The following LMOD3 variants were observed in gnomAD, a reference collection of about 807,000 sequenced individuals.
LMOD3 encodes leiomodin 3, also known as leiomodin-3.
LMOD3 carries 31 observed loss-of-function variants against 41.8 expected under a neutral mutation model. The observed-to-expected ratio is 0.74, with a 90% CI of 0.56 to 1.00. The LOEUF (loss-of-function observed/expected upper bound fraction) is 1.00. Among genes scored for constraint, LMOD3 ranks in the 50% least tolerant of loss-of-function variants. The pLI, the probability that LMOD3 is intolerant of heterozygous loss-of-function variation, is 0.00. For synonymous variants in LMOD3, 292 were observed against 241.9 expected (o/e 1.21, Z -1.92); for missense variants, 755 against 679.5 (o/e 1.11, Z -1.23).
chr3:69,118,915 T>C lies in LMOD3; in HGVS notation c.1440A>G (p.Thr480=). The C allele has an allele frequency of 1.2e-6, 2 of 1,612,254 alleles. No individual in the cohort carries two copies. Among genetic ancestry groups the C allele is most frequent in the East Asian group, 2.2e-5 (1 of 44,810 alleles). Reference sequence around the variant, plus strand: ...TCACCACCCGGAAGGAGTCAGGGTCTGTCCTGTACTTCGGGGCCTGCGATG... The same window carrying C: ...TCACCACCCGGAAGGAGTCAGGGTCCGTCCTGTACTTCGGGGCCTGCGATG... The part of the protein sequence containing the change: ...KKPSQAPKYR[T]DPDSFRVVKL... The change falls in exon 2 of 3, where the codon ACA becomes ACG. Residue 480 remains threonine (T), a synonymous_variant. Transcript: ENST00000420581.
intron 2 of LMOD3, among the ~76,000 whole-genome samples, chr3:69,113,495 T>C (rs1415874125): frequency 6.6e-6 from 1 of 152,192 alleles, no homozygotes; most frequent in African/African-American, 2.4e-5. Context: ...GCTGAAGGGT[T>C]TGTAAACTTC....
In LMOD3 at chr3:69,107,494, T is replaced by TTTTTTTTTTG. The variant is rs1252768762; in HGVS notation, c.*1600_*1601insCAAAAAAAAA. 13 of 125,182 alleles carry TTTTTTTTTTG rather than the reference T, an allele frequency of 1.0e-4. No homozygotes were observed. The highest frequency in any genetic ancestry group is 1.9e-4 in the Non-Finnish European group (12 of 62,696). The allele number at this position is 125,182 out of a possible 1,614,324, so 7.8% of individuals were successfully genotyped here. On this transcript the variant is annotated 3_prime_UTR_variant, in exon 3 of 3. Transcript: ENST00000420581. ...TTTTTTTTTTTTTTTTTTTTTTTTTTGAGATGGAGTATCACTCTGTCACCC... is the reference window on the plus strand; with the variant it reads ...TTTTTTTTTTTTTTTTTTTTTTTTTTTTTTTTTTTGGAGATGGAGTATCACTCTGTCACCC...
chr3:69,114,840 G>C (rs947237013), intron 2 of LMOD3, among the ~76,000 whole-genome samples: 6 of 151,952 alleles, frequency 3.9e-5, no homozygotes, highest in African/African-American at 9.7e-5. Context: ...AAATACAAAA[G>C]TAATATTTCC....
Position 69,106,123 on chromosome 3 carries a change from G to T in LMOD3, c.*2972C>A, listed in dbSNP as rs570009450. ...GTCTTAAATACCTGAGAAACTTGGC[G>T]ACGACCCTATAAACAGTGAAGCAAA... On this transcript the variant is annotated 3_prime_UTR_variant, in exon 3 of 3. Coordinates refer to ENST00000420581, the MANE Select transcript of LMOD3 (RefSeq NM_198271.5). The T allele has an allele frequency of 3.3e-5, 5 of 152,284 alleles. No individual in the cohort carries two copies. The highest frequency in any genetic ancestry group is 4.1e-4 in the South Asian group (2 of 4,822). The allele number at this position is 152,284 out of a possible 1,614,324, so 9.4% of individuals were successfully genotyped here. A position where few individuals can be genotyped will look rare whatever the true frequency, so the allele number is the denominator to read the frequency against.
intron 1 of LMOD3, 133 bp downstream of exon 1, chr3:69,121,960 T>A (rs1231138818): frequency 4.6e-6 from 3 of 649,650 alleles, no homozygotes; most frequent in Admixed American, 3.0e-5. Flanking sequence ...TTAAATATTA[T>A]GGTTTAATCT....
chr3:69,118,936 C>T lies in LMOD3; in HGVS notation c.1419G>A (p.Ser473=), dbSNP rs373942606. 13 of 1,612,234 alleles carry T rather than the reference C, an allele frequency of 8.1e-6. No homozygotes were observed. The African/African-American group carries it at 9.4e-5, about 12-fold the overall frequency. The part of the protein sequence containing the change: ...SQRSEMMKKP[S]QAPKYRTDPD... ...GGTCTGTCCTGTACTTCGGGGCCTGCGATGGCTTTTTCATCATTTCACTGC... is the reference window on the plus strand; with the variant it reads ...GGTCTGTCCTGTACTTCGGGGCCTGTGATGGCTTTTTCATCATTTCACTGC... Residue 473 remains serine, a synonymous_variant, in exon 2 of 3, where the codon TCG becomes TCA. Coordinates refer to ENST00000420581, the MANE Select transcript of LMOD3 (RefSeq NM_198271.5).
At position 69,119,594 on chromosome 3, in the gene LMOD3, T is replaced by G; in HGVS notation, c.761A>C (p.Asp254Ala). The G allele has an allele frequency of 6.2e-7, 1 of 1,613,814 alleles. No individual in the cohort carries two copies. The highest frequency in any genetic ancestry group is 8.5e-7 in the Non-Finnish European group (1 of 1,179,890). ...SLRRVRKNDP[D>A]MKELNLNNIE... ...GTTGTTCAGGTTGAGTTCCTTCATG[T>G]CAGGATCATTTTTCCTAACTCTCCT... Residue 254 changes from aspartate to alanine, a missense_variant, in exon 2 of 3, where the codon GAC becomes GCC. Coordinates refer to ENST00000420581, the MANE Select transcript of LMOD3 (RefSeq NM_198271.5).
chr3:69,109,429 G>A (rs2092337870), intron 2 of LMOD3, among the ~76,000 whole-genome samples: 1 of 151,812 alleles, frequency 6.6e-6, no homozygotes, highest in Admixed American at 6.6e-5. Flanking sequence ...GTAGTTATGT[G>A]GTGTTGGGCA....
chr3:69,108,289 A>G lies in LMOD3; in HGVS notation c.*806T>C, dbSNP rs2092331914. The G allele has an allele frequency of 6.6e-6, 1 of 152,130 alleles. No homozygotes were observed. The highest frequency in any genetic ancestry group is 2.1e-4 in the South Asian group (1 of 4,820). 9.4% of individuals were successfully genotyped at this position (152,130 alleles called of 1,614,324 possible). The stretch of plus-strand genomic sequence containing the variant: ...CAAAACCAAAAGCTTGTCAATAACT[A>G]TATTATGTAAAACTTCTTTTCTATA... On this transcript the variant is annotated 3_prime_UTR_variant, in exon 3 of 3. Transcript: ENST00000420581.
chr3:69,106,312 A>C lies in LMOD3; in HGVS notation c.*2783T>G, dbSNP rs1288614767. Among the ~76,000 whole-genome samples the C allele has an allele frequency of 6.6e-6, 1 of 152,154 alleles. No homozygotes were observed. Among genetic ancestry groups the C allele is most frequent in the African/African-American group, 2.4e-5 (1 of 41,434 alleles). On this transcript the variant is annotated 3_prime_UTR_variant, in exon 3 of 3. Coordinates refer to ENST00000420581, the MANE Select transcript of LMOD3 (RefSeq NM_198271.5). ...ATGTTAGCCCATTCCATTTTCTACA[A>C]GGTGAATTCTGCCGATAAAATCCAA...
chr3:69,117,673 A>G (rs114596972), intron 2 of LMOD3, among the ~76,000 whole-genome samples: 142 of 152,308 alleles, frequency 9.3e-4, no homozygotes, highest in African/African-American at 3.3e-3. Flanking sequence ...AACTCCGTGA[A>G]TTCATGGTGA....
At chr3:69,109,263 TA>T in intron 2 of LMOD3, 142 bp from the exon 3 acceptor site, 1 of 712,666 alleles carries the variant, frequency 1.4e-6, no homozygotes, top group Non-Finnish European at 2.4e-6. Context: ...AAAATCAAGA[TA>T]AAACAACAAT....
At chr3:69,113,998 TA>T (rs1055999242) in intron 2 of LMOD3, among the ~76,000 whole-genome samples, 2 of 152,162 alleles carry the variant, frequency 1.3e-5, no homozygotes, top group African/African-American at 4.8e-5. Context: ...CAAAGATTTT[TA>T]AAAACATAGC....
At position 69,122,203 on chromosome 3, in the gene LMOD3, G is replaced by C. The variant is rs745971448; in HGVS notation, c.184C>G (p.Pro62Ala). 6.2e-7 allele frequency: 1 copy of C among 1,613,504 alleles called. No individual in the cohort carries two copies. The highest frequency in any genetic ancestry group is 1.3e-5 in the African/African-American group (1 of 75,006). The change falls in exon 1 of 3, where the codon CCG (proline) becomes GCG (alanine). Residue 62 changes from proline (P) to alanine (A), a missense_variant. Transcript: ENST00000420581. ...MIQKDQTDKP[P>A]TGNFNHKSLV... ...GATTTATGATTGAAGTTTCCTGTCG[G>C]TGGCTTGTCAGTTTGATCTTTCTGA...
intron 2 of LMOD3, 64 bp downstream of exon 2, chr3:69,118,635 A>C: frequency 6.6e-7 from 1 of 1,506,338 alleles, no homozygotes; most frequent in Non-Finnish European, 8.9e-7. Context: ...CAGAGAGGGA[A>C]TAAAGTTGGG....
rs1441509750 is a variant in LMOD3 at position 69,122,526 on chromosome 3, TC to T, written c.-141del. 3.2e-6 allele frequency: 2 copies of T among 631,492 alleles called. No individual in the cohort carries two copies. The highest frequency in any genetic ancestry group is 5.3e-6 in the Non-Finnish European group (2 of 376,354). The allele number at this position is 631,492 out of a possible 1,614,324, so 39.1% of individuals were successfully genotyped here. On this transcript the variant is annotated 5_prime_UTR_variant, in exon 1 of 3. Transcript: ENST00000420581. The stretch of plus-strand genomic sequence containing the variant: ...CACCCTTGAGATATTTTTTTTTTTT[TC>T]CCAGGAACCTCAGTGGTTTGCTGAG...
At position 69,119,281 on chromosome 3, in the gene LMOD3, C is replaced by A; in HGVS notation, c.1074G>T (p.Met358Ile). The change falls in exon 2 of 3, where the codon ATG becomes ATT. Residue 358 changes from methionine to isoleucine, a missense_variant. Coordinates refer to ENST00000420581, the MANE Select transcript of LMOD3 (RefSeq NM_198271.5). ...TTGCCTTCAAAAGCCTGGCTATTTC[C>A]ATTTCAGCATGGTGACCCAACATGT... ...QRHMLGHHAEMEIARLLKANN... is the reference protein window; with the variant it reads ...QRHMLGHHAEIEIARLLKANN... 6.2e-7 allele frequency: 1 copy of A among 1,613,932 alleles called. No homozygotes were observed. Among genetic ancestry groups the A allele is most frequent in the African/African-American group, 1.3e-5 (1 of 75,030 alleles).
chr3:69,115,084 G>A (rs947343111), intron 2 of LMOD3, among the ~76,000 whole-genome samples: 2 of 152,126 alleles, frequency 1.3e-5, no homozygotes, highest in Non-Finnish European at 2.9e-5. Context: ...TGTTGCTCAT[G>A]TTGGTCTTGA....
At chr3:69,109,520 CTTTTTTTTT>C (rs923225067) in intron 2 of LMOD3, among the ~76,000 whole-genome samples, 8 of 98,742 alleles carry the variant, frequency 8.1e-5, no homozygotes, top group African/African-American at 8.8e-5. Context: ...CATGTTAACA[CTTTTTTTTT>C]TTTTTTTTTT....
Sources: allele counts gnomAD v4.1 joint callset (sites outside exome capture counted in the v4.1 genomes callset), GRCh38; gene constraint gnomAD v4.1.1; transcripts MANE v1.5; gene names NCBI Gene and HGNC (gene_info 2026-07-23, HGNC 2026-07-21).